Variants in UXS1 observed in about 807,000 individuals in gnomAD.
UXS1 encodes the protein UDP-glucuronic acid decarboxylase 1.
Under a neutral mutation model 62.6 loss-of-function variants are expected in UXS1, and 33 were observed. The ratio of observed to expected loss-of-function variants is 0.53; its 90% confidence interval spans 0.40 to 0.70. The LOEUF (loss-of-function observed/expected upper bound fraction) is 0.70. Ranked by LOEUF, UXS1 falls within the 30% of genes least tolerant of loss-of-function variation. The pLI, the probability that UXS1 is intolerant of heterozygous loss-of-function variation, is 0.00. For synonymous variants in UXS1, 213 were observed against 206.8 expected (o/e 1.03, Z -0.26); for missense variants, 434 against 556.3 (o/e 0.78, Z 2.21).
At chr2:106,096,606 G>A (rs989836028) in intron 14 of UXS1, 112 bp downstream of exon 14, 2 of 878,134 alleles carry the variant, frequency 2.3e-6, no homozygotes, top group Non-Finnish European at 3.4e-6. Flanking sequence ...TGGATGCCGA[G>A]CCCACCTTGC....
chr2:106,106,295 C>T (rs1455310988), intron 10 of UXS1, among the ~76,000 whole-genome samples: 4 of 141,880 alleles, frequency 2.8e-5, no homozygotes, highest in Non-Finnish European at 4.5e-5. Context: ...ACCTGGGAGG[C>T]GGAGGTTGCA....
In UXS1 at chr2:106,182,070, C is replaced by T. The variant is rs79391237; in HGVS notation, c.94+12078G>A. Among the ~76,000 whole-genome samples, 474 of 152,046 alleles carry T rather than the reference C, an allele frequency of 3.1e-3. 2 individuals are homozygous for T. Among genetic ancestry groups the T allele is most frequent in the African/African-American group, 0.011 (447 of 41,474 alleles). On this transcript the variant is annotated intron_variant, in intron 1 of 14. Coordinates refer to ENST00000283148, the MANE Select transcript of UXS1 (RefSeq NM_001253875.2). Reference sequence around the variant, plus strand: ...ACTTGATCTTGATGTAGAATGAATGCGAAAGAGAAATTTGATGGAAATACA... The same window carrying T: ...ACTTGATCTTGATGTAGAATGAATGTGAAAGAGAAATTTGATGGAAATACA...
At chr2:106,122,389 A>T (rs1274520440) in intron 9 of UXS1, among the ~76,000 whole-genome samples, 4 of 152,184 alleles carry the variant, frequency 2.6e-5, no homozygotes, top group African/African-American at 7.2e-5. Context: ...ATAAGAACTG[A>T]GAGAATGACG....
chr2:106,119,956 T>C lies in UXS1; in HGVS notation c.759+3014A>G, dbSNP rs367607092. On this transcript the variant is annotated intron_variant, in intron 9 of 14. Transcript: ENST00000283148. ...TTCTTGCTTAATCAGTATTGTCTTA[T>C]TTTTCTATACCTGGCAAAATATCCT... 1.8e-4 allele frequency among the ~76,000 whole-genome samples: 27 copies of C among 152,366 alleles called. 1 individual carries two copies. The highest frequency in any genetic ancestry group is 5.3e-4 in the African/African-American group (22 of 41,568).
chr2:106,165,529 T>C (rs903853986), intron 2 of UXS1, among the ~76,000 whole-genome samples: 1 of 152,182 alleles, frequency 6.6e-6, no homozygotes, highest in Admixed American at 6.5e-5. Context: ...GGCTATTTTT[T>C]TTTATTTGGT....
At chr2:106,148,248 T>C (rs886136807) in intron 5 of UXS1, among the ~76,000 whole-genome samples, 2 of 152,208 alleles carry the variant, frequency 1.3e-5, no homozygotes, top group African/African-American at 4.8e-5. Flanking sequence ...TCCAGAAAAA[T>C]AATTGAAATT....
intron 9 of UXS1, among the ~76,000 whole-genome samples, chr2:106,120,346 C>T (rs1488724469): frequency 2.6e-5 from 4 of 152,188 alleles, no homozygotes; most frequent in Non-Finnish European, 5.9e-5. Context: ...CTCGCAGCCA[C>T]CAGAATTGGA....
chr2:106,165,164 C>A (rs916880896), intron 2 of UXS1, among the ~76,000 whole-genome samples: 1 of 152,162 alleles, frequency 6.6e-6, no homozygotes, highest in Non-Finnish European at 1.5e-5. Flanking sequence ...AAAATGGAGT[C>A]TTTTAAGTAA....
chr2:106,140,184 G>A (rs1451790768), intron 6 of UXS1, among the ~76,000 whole-genome samples: 1 of 152,212 alleles, frequency 6.6e-6, no homozygotes, highest in Non-Finnish European at 1.5e-5. Context: ...GACTGGCTCA[G>A]CCCCCGGGAG....
intron 6 of UXS1, 133 bp from the exon 7 acceptor site, chr2:106,129,911 A>T (rs771679355): frequency 7.2e-6 from 4 of 558,064 alleles, no homozygotes; most frequent in African/African-American, 3.9e-5. Flanking sequence ...TTCTTCATAT[A>T]AACTAATTTA....
intron 9 of UXS1, among the ~76,000 whole-genome samples, chr2:106,118,752 G>C (rs1679271390): frequency 6.6e-6 from 1 of 152,046 alleles, no homozygotes; most frequent in South Asian, 2.1e-4. Flanking sequence ...ACTCAGAAGA[G>C]AATCCTTAGG....
At chr2:106,180,417 C>T (rs887850540) in intron 1 of UXS1, among the ~76,000 whole-genome samples, 17 of 152,210 alleles carry the variant, frequency 1.1e-4, no homozygotes, top group African/African-American at 4.1e-4. Context: ...CACCAAGTAC[C>T]TTCCCAGGTT....
intron 5 of UXS1, among the ~76,000 whole-genome samples, chr2:106,152,148 T>C (rs1471658861): frequency 6.6e-6 from 1 of 152,194 alleles, no homozygotes; most frequent in Admixed American, 6.5e-5. Context: ...TCTCTGGAAA[T>C]TGTGCTAAGC....
At position 106,122,860 on chromosome 2, in the gene UXS1, C is replaced by T. The variant is rs192752394; in HGVS notation, c.759+110G>A. 223 of 1,470,578 alleles carry T rather than the reference C, an allele frequency of 1.5e-4. No individual in the cohort carries two copies. The African/African-American group carries it at 2.8e-3, about 18-fold the overall frequency. The allele number at this position is 1,470,578 out of a possible 1,614,324, so 91.1% of individuals were successfully genotyped here. The stretch of plus-strand genomic sequence containing the variant: ...ACTGGGAAACTGAGCTTCCCAAACA[C>T]CTATCCCCAGACAAAATCAGTCATG... On this transcript the variant is annotated intron_variant, in intron 9 of 14. Coordinates refer to ENST00000283148, the MANE Select transcript of UXS1 (RefSeq NM_001253875.2).
At chr2:106,104,933 C>CTGATCCCAGGGGGCAG in intron 10 of UXS1, 96 bp from the exon 11 acceptor site, 3 of 1,473,164 alleles carry the variant, frequency 2.0e-6, no homozygotes, top group Non-Finnish European at 2.8e-6. Flanking sequence ...GACCTTGAAA[C>CTGATCCCAGGGGGCAG]TGATCCCAGG....
In UXS1 at chr2:106,093,988, G is replaced by A. The variant is rs1202337006; in HGVS notation, c.*38C>T. On this transcript the variant is annotated 3_prime_UTR_variant, in exon 15 of 15. Transcript: ENST00000283148. ...AAAAGCCAAAAATACATCCCATCAAGTGTACAATGGTAGTCTTGTGTCCTA... is the reference window on the plus strand; with the variant it reads ...AAAAGCCAAAAATACATCCCATCAAATGTACAATGGTAGTCTTGTGTCCTA... 1 of 1,543,148 alleles carries A rather than the reference G, an allele frequency of 6.5e-7. No individual in the cohort carries two copies. Among genetic ancestry groups the A allele is most frequent in the African/African-American group, 1.4e-5 (1 of 70,856 alleles).
At position 106,125,693 on chromosome 2, in the gene UXS1, T is replaced by A. The variant is rs753538604; in HGVS notation, c.578-14A>T. On this transcript the variant is annotated splice_polypyrimidine_tract_variant and intron_variant, in intron 7 of 14. Coordinates refer to ENST00000283148, the MANE Select transcript of UXS1 (RefSeq NM_001253875.2). ...GTTTTGCCAGCCCTACAGAAAGCAA[T>A]GACATGATAAAAGAGACTGAATTTA... is the stretch of plus-strand genomic sequence containing the variant. The A allele has an allele frequency of 1.3e-5, 21 of 1,562,558 alleles. No individual in the cohort carries two copies. The highest frequency in any genetic ancestry group is 1.6e-5 in the Non-Finnish European group (19 of 1,153,772).
intron 1 of UXS1, among the ~76,000 whole-genome samples, chr2:106,180,590 C>G (rs1413910424): frequency 6.6e-6 from 1 of 152,226 alleles, no homozygotes; most frequent in African/African-American, 2.4e-5. Context: ...TCATTGGAAG[C>G]AGGACACCAA....
chr2:106,158,940 A>C (rs892078355), intron 4 of UXS1, among the ~76,000 whole-genome samples: 3 of 152,166 alleles, frequency 2.0e-5, no homozygotes, highest in Non-Finnish European at 4.4e-5. Context: ...CTTGGCTTCC[A>C]TGAATTGATT....
Sources: allele counts gnomAD v4.1 joint callset (sites outside exome capture counted in the v4.1 genomes callset), GRCh38; gene constraint gnomAD v4.1.1; transcripts MANE v1.5; gene names NCBI Gene and HGNC (gene_info 2026-07-23, HGNC 2026-07-21).